KCNMA1: variants seen among roughly 807,000 people sequenced by gnomAD.
KCNMA1 encodes Calcium-activated potassium channel subunit alpha-1.
Under a neutral mutation model 140.0 loss-of-function variants are expected in KCNMA1, and 29 were observed. The observed-to-expected ratio is 0.21, with a 90% CI of 0.15 to 0.28. The LOEUF is 0.28. Ranked by LOEUF, KCNMA1 falls within the 10% of genes least tolerant of loss-of-function variation. KCNMA1 has a pLI of 1.00. For synonymous variants in KCNMA1, 612 were observed against 611.9 expected, an observed-to-expected ratio of 1.00 and a Z score of 0.00; for missense variants, 880 against 1,602.2, an observed-to-expected ratio of 0.55 and a Z score of 7.70.
intron 15 of KCNMA1, among the ~76,000 whole-genome samples, chr10:77,032,968 G>A (rs910688337): frequency 6.6e-6 from 1 of 152,104 alleles, no homozygotes; most frequent in Non-Finnish European, 1.5e-5. Flanking sequence ...ACAAAGAGGA[G>A]GTTTGGGGCT....
intron 5 of KCNMA1, among the ~76,000 whole-genome samples, chr10:77,131,231 T>A (rs1216099795): frequency 6.6e-6 from 1 of 152,130 alleles, no homozygotes; most frequent in African/African-American, 2.4e-5. Flanking sequence ...CAGTAGCATA[T>A]CTCAGTACTC....
chr10:77,618,280 A>G (rs113491386), intron 1 of KCNMA1, among the ~76,000 whole-genome samples: 75 of 152,170 alleles, frequency 4.9e-4, no homozygotes, highest in African/African-American at 1.7e-3. Context: ...GTATTAAGTC[A>G]TTGACATGTT....
chr10:77,610,604 CATT>C (rs1274606358), intron 1 of KCNMA1, among the ~76,000 whole-genome samples: 2 of 152,170 alleles, frequency 1.3e-5, no homozygotes, highest in Non-Finnish European at 2.9e-5. Flanking sequence ...CAGAAACTCC[CATT>C]GGCTAAGTGA....
intron 5 of KCNMA1, among the ~76,000 whole-genome samples, chr10:77,158,971 A>G (rs1019441972): frequency 8.5e-5 from 13 of 152,244 alleles, no homozygotes; most frequent in African/African-American, 3.1e-4. Context: ...CTAACAACAC[A>G]GGTTTAGGCT....
chr10:77,341,586 C>A (rs1368792956), intron 2 of KCNMA1, among the ~76,000 whole-genome samples: 1 of 152,194 alleles, frequency 6.6e-6, no homozygotes, highest in Non-Finnish European at 1.5e-5. Context: ...AGACGTGGGT[C>A]CCCCAGATCC....
At position 77,637,675 on chromosome 10, in the gene KCNMA1, G is replaced by A. The variant is rs1182414754; in HGVS notation, c.-33C>T. 2 of 1,456,708 alleles carry A rather than the reference G, an allele frequency of 1.4e-6. No individual in the cohort carries two copies. The highest frequency in any genetic ancestry group is 2.7e-5 in the Admixed American group (1 of 37,146). 90.2% of individuals were successfully genotyped at this position (1,456,708 alleles called of 1,614,324 possible). On this transcript the variant is annotated 5_prime_UTR_variant, in exon 1 of 28. Transcript: ENST00000286628. Reference sequence around the variant, plus strand: ...AACGGGCAGCCGGCGCAGGGGCTCGGGGGAGCTCCTCCCGCCGCCAGCGCC... The same window carrying A: ...AACGGGCAGCCGGCGCAGGGGCTCGAGGGAGCTCCTCCCGCCGCCAGCGCC...
Position 76,927,268 on chromosome 10 carries a change from A to T in KCNMA1, c.2903-12219T>A, listed in dbSNP as rs111465766. ...TCACTTCTCAAACCAAGGAGAAGGA[A>T]GTACTTTCTCCAAAGTTGCTCTAAT... On this transcript the variant is annotated intron_variant, in intron 23 of 27. Transcript: ENST00000286628. 8.9e-3 allele frequency among the ~76,000 whole-genome samples: 1,357 copies of T among 152,288 alleles called. 18 individuals are homozygous for T. Among genetic ancestry groups the T allele is most frequent in the African/African-American group, 0.031 (1,302 of 41,556 alleles).
intron 1 of KCNMA1, among the ~76,000 whole-genome samples, chr10:77,474,142 A>G (rs1294725172): frequency 1.3e-5 from 2 of 152,202 alleles, no homozygotes; most frequent in African/African-American, 4.8e-5. Context: ...AGGGGTGAAA[A>G]CGCAAAGTCT....
At chr10:77,541,637 T>C (rs1442411454) in intron 1 of KCNMA1, among the ~76,000 whole-genome samples, 3 of 152,054 alleles carry the variant, frequency 2.0e-5, no homozygotes, top group Non-Finnish European at 4.4e-5. Flanking sequence ...TGTTCCAAAA[T>C]CAAGGCTTGA....
chr10:77,636,724 G>A (rs1349223063), intron 1 of KCNMA1: 2 of 1,505,780 alleles, frequency 1.3e-6, no homozygotes, highest in Admixed American at 2.1e-5. Context: ...CTCCTCCCCC[G>A]GGATTCCCTT....
At chr10:76,890,667 T>TG (rs2039604402) in intron 26 of KCNMA1, among the ~76,000 whole-genome samples, 1 of 152,226 alleles carries the variant, frequency 6.6e-6, no homozygotes, top group African/African-American at 2.4e-5. Flanking sequence ...CACCATTGTT[T>TG]GTGTAACAGG....
At position 77,075,046 on chromosome 10, in the gene KCNMA1, G is replaced by A. The variant is rs113802753; in HGVS notation, c.1594-1794C>T. ...TATGAAATTCCTTCTTGCAAAATCC[G>A]CTTCTGTGACAATCTTGTGCATCCT... On this transcript the variant is annotated intron_variant, in intron 13 of 27. Coordinates refer to ENST00000286628, the MANE Select transcript of KCNMA1 (RefSeq NM_001161352.2). 5.3e-3 allele frequency among the ~76,000 whole-genome samples: 800 copies of A among 152,262 alleles called. 5 individuals carry two copies. Among genetic ancestry groups the A allele is most frequent in the African/African-American group, 0.018 (766 of 41,544 alleles).
intron 1 of KCNMA1, among the ~76,000 whole-genome samples, chr10:77,568,956 G>A (rs2069622273): frequency 6.8e-6 from 1 of 147,000 alleles, no homozygotes; most frequent in South Asian, 2.2e-4. Context: ...CAAACAGAGA[G>A]CCAAATCATG....
chr10:77,066,033 C>CTACCT (rs2153687072), intron 14 of KCNMA1, among the ~76,000 whole-genome samples: 1 of 152,260 alleles, frequency 6.6e-6, no homozygotes, highest in South Asian at 2.1e-4. Context: ...TTCCAGGGAC[C>CTACCT]TGACTGCTTA....
At chr10:77,573,948 C>T (rs2072999769) in intron 1 of KCNMA1, among the ~76,000 whole-genome samples, 1 of 151,810 alleles carries the variant, frequency 6.6e-6, no homozygotes. Flanking sequence ...AGTGATTCTC[C>T]CACGTCAGCC....
At chr10:77,289,384 CA>C (rs2072319999) in intron 2 of KCNMA1, among the ~76,000 whole-genome samples, 1 of 152,184 alleles carries the variant, frequency 6.6e-6, no homozygotes, top group Non-Finnish European at 1.5e-5. Context: ...TCTGTAACTC[CA>C]GCCGGCGTCC....
chr10:77,223,510 G>A (rs1316261395), intron 3 of KCNMA1, among the ~76,000 whole-genome samples: 1 of 152,196 alleles, frequency 6.6e-6, no homozygotes. Context: ...TAAAAAATGA[G>A]AATCCCATGA....
downstream of KCNMA1, among the ~76,000 whole-genome samples, chr10:76,882,236 A>G (rs1380697705): frequency 6.6e-6 from 1 of 152,200 alleles, no homozygotes. Flanking sequence ...AAGATCGCAG[A>G]AAAGGGGAGA....
chr10:76,958,989 GA>G (rs35964716), intron 20 of KCNMA1, among the ~76,000 whole-genome samples: 3 of 151,154 alleles, frequency 2.0e-5, no homozygotes, highest in East Asian at 1.9e-4. Context: ...TTAAGGGGGG[GA>G]AAAAAGCATC....
Sources: gnomAD v4.1 joint callset for allele counts (sites outside exome capture counted in the v4.1 genomes callset) on GRCh38, gnomAD v4.1.1 for gene constraint, MANE v1.5 for transcripts, NCBI Gene and HGNC (gene_info 2026-07-23, HGNC 2026-07-21) for gene names.